Variants in PGCKA1 observed in about 807,000 individuals in gnomAD.
PGCKA1 encodes the protein PDCD10 and GCKIII kinases associated 1, also known as PDCD10 and GCKIII kinases-associated protein 1.
chr4:37,533,727 G>A, the PGCKA1 span, among the ~76,000 whole-genome samples: 1 of 151,428 alleles, frequency 6.6e-6, no homozygotes. Flanking sequence ...CTAACTGGAA[G>A]GGATAAAAAT....
chr4:37,557,578 A>G, the PGCKA1 span, among the ~76,000 whole-genome samples: 1 of 152,166 alleles, frequency 6.6e-6, no homozygotes, highest in Non-Finnish European at 1.5e-5. Flanking sequence ...CTCTTTAATA[A>G]TGGCACTGAT....
the PGCKA1 span, among the ~76,000 whole-genome samples, chr4:37,586,794 C>T: frequency 6.6e-6 from 1 of 152,138 alleles, no homozygotes; most frequent in East Asian, 1.9e-4. Flanking sequence ...CCTGTAATCC[C>T]AGCTACTGGG....
At chr4:37,495,152 G>A in the PGCKA1 span, among the ~76,000 whole-genome samples, 3 of 152,098 alleles carry the variant, frequency 2.0e-5, no homozygotes, top group African/African-American at 7.2e-5. Flanking sequence ...CTGGTCATTA[G>A]AGAAATGCAA....
chr4:37,534,848 A>G, the PGCKA1 span, among the ~76,000 whole-genome samples: 2 of 152,234 alleles, frequency 1.3e-5, no homozygotes, highest in African/African-American at 4.8e-5. Context: ...ATGTTTCAAC[A>G]TATGGATTTT....
At chr4:37,586,535 G>C in the PGCKA1 span, among the ~76,000 whole-genome samples, 2 of 152,168 alleles carry the variant, frequency 1.3e-5, no homozygotes, top group Admixed American at 1.3e-4. Flanking sequence ...AAGGGGTTTG[G>C]TCCTCAAGCA....
chr4:37,589,376 G>A, the PGCKA1 span, among the ~76,000 whole-genome samples: 2 of 152,048 alleles, frequency 1.3e-5, no homozygotes, highest in Non-Finnish European at 2.9e-5. Flanking sequence ...GTATTCCACT[G>A]TAATCATACT....
the PGCKA1 span, among the ~76,000 whole-genome samples, chr4:37,553,205 A>T: frequency 6.6e-6 from 1 of 150,862 alleles, no homozygotes; most frequent in South Asian, 2.2e-4. Context: ...CTGTATAGAA[A>T]CACATATTTT....
chr4:37,548,894 A>G, the PGCKA1 span, among the ~76,000 whole-genome samples: 1 of 152,250 alleles, frequency 6.6e-6, no homozygotes, highest in Non-Finnish European at 1.5e-5. Context: ...AACAAAAGCA[A>G]TTGTGATGCT....
At chr4:37,588,923 C>A in the PGCKA1 span, 1 of 1,591,138 alleles carries the variant, frequency 6.3e-7, no homozygotes, top group Non-Finnish European at 8.6e-7. Context: ...AATACTACTT[C>A]TAAATGGAGG....
the PGCKA1 span, among the ~76,000 whole-genome samples, chr4:37,480,852 C>A: frequency 2.0e-5 from 3 of 152,194 alleles, no homozygotes; most frequent in Non-Finnish European, 2.9e-5. Flanking sequence ...AGCCATTAGG[C>A]TGATGCCTTT....
chr4:37,465,335 A>G, the PGCKA1 span, among the ~76,000 whole-genome samples: 3 of 152,120 alleles, frequency 2.0e-5, no homozygotes, highest in Non-Finnish European at 2.9e-5. Context: ...GAGGATACAA[A>G]GGTGAACAAA....
At chr4:37,476,713 T>C in the PGCKA1 span, among the ~76,000 whole-genome samples, 1 of 152,212 alleles carries the variant, frequency 6.6e-6, no homozygotes. Flanking sequence ...CAAATCAGTA[T>C]ATACATGTGA....
the PGCKA1 span, among the ~76,000 whole-genome samples, chr4:37,567,450 C>T: frequency 1.3e-5 from 2 of 152,116 alleles, no homozygotes; most frequent in Non-Finnish European, 2.9e-5. Flanking sequence ...TCATCATTCG[C>T]GTGTTGCAGA....
At chr4:37,548,190 A>T in the PGCKA1 span, among the ~76,000 whole-genome samples, 3 of 151,496 alleles carry the variant, frequency 2.0e-5, no homozygotes, top group Non-Finnish European at 4.4e-5. Flanking sequence ...TATAAAAAAA[A>T]GTTATGCAAA....
the PGCKA1 span, among the ~76,000 whole-genome samples, chr4:37,482,371 G>T: frequency 6.6e-6 from 1 of 152,152 alleles, no homozygotes; most frequent in South Asian, 2.1e-4. Flanking sequence ...TGGAGATGAA[G>T]AACTTGTTGG....
At chr4:37,590,201 T>A in the PGCKA1 span, 1 of 1,614,160 alleles carries the variant, frequency 6.2e-7, no homozygotes, top group Non-Finnish European at 8.5e-7. Context: ...AGCAGTGAAG[T>A]CTTGGTGCAG....
chr4:37,471,409 C>T, the PGCKA1 span, among the ~76,000 whole-genome samples: 18 of 152,154 alleles, frequency 1.2e-4, no homozygotes, highest in East Asian at 7.7e-4. Flanking sequence ...AGCACAGAGA[C>T]AGCCTCAGTC....
the PGCKA1 span, among the ~76,000 whole-genome samples, chr4:37,570,356 A>C: frequency 6.6e-6 from 1 of 151,462 alleles, no homozygotes; most frequent in Non-Finnish European, 1.5e-5. Flanking sequence ...CTGTAGGAGA[A>C]AAGTAAACAC....
chr4:37,537,237 C>G, the PGCKA1 span, among the ~76,000 whole-genome samples: 1 of 152,130 alleles, frequency 6.6e-6, no homozygotes, highest in Non-Finnish European at 1.5e-5. Context: ...GAAATCTGTC[C>G]CTAATATTTC....
Sources: gnomAD v4.1 joint callset for allele counts (sites outside exome capture counted in the v4.1 genomes callset) on GRCh38, gnomAD v4.1.1 for gene constraint, MANE v1.5 for transcripts, NCBI Gene and HGNC (gene_info 2026-07-23, HGNC 2026-07-21) for gene names.